The following GTF2IRD1 variants were observed in gnomAD, a reference collection of about 807,000 sequenced individuals.
GTF2IRD1 encodes the protein GTF2I repeat domain containing 1.
In GTF2IRD1, 26 loss-of-function variants were observed where a neutral mutation model predicts 113.2. That is an observed-to-expected ratio of 0.23 (90% CI 0.17 to 0.32). The LOEUF is 0.32. Ranked by LOEUF, GTF2IRD1 falls within the 10% of genes least tolerant of loss-of-function variation. The pLI, the probability that GTF2IRD1 is intolerant of heterozygous loss-of-function variation, is 1.00. For missense variants in GTF2IRD1, 864 were observed against 1,280.8 expected (o/e 0.67, Z 4.97); for synonymous variants, 484 against 529.1 (o/e 0.91, Z 1.17).
Position 74,597,647 on chromosome 7 carries a change from G to A in GTF2IRD1, c.2629+2596G>A, listed in dbSNP as rs1471433792. Among the ~76,000 whole-genome samples the A allele has an allele frequency of 3.3e-5, 5 of 151,928 alleles. No individual in the cohort carries two copies. The South Asian group carries it at 8.3e-4, about 25-fold the overall frequency. On this transcript the variant is annotated intron_variant, in intron 25 of 26. Coordinates refer to ENST00000424337, the MANE Select transcript of GTF2IRD1 (RefSeq NM_005685.4). The stretch of plus-strand genomic sequence containing the variant: ...CAGGCGTGAGCTACTGTGCCTGGCC[G>A]AGACCCCGTCTCCTAAGAAATAAAA...
At chr7:74,532,608 G>A (rs1798029326) in intron 9 of GTF2IRD1, among the ~76,000 whole-genome samples, 1 of 152,104 alleles carries the variant, frequency 6.6e-6, no homozygotes, top group Admixed American at 6.6e-5. Context: ...TCACTGGGTG[G>A]GGCTGAGGAA....
intron 17 of GTF2IRD1, among the ~76,000 whole-genome samples, chr7:74,550,249 T>C (rs1236672326): frequency 6.9e-6 from 1 of 145,814 alleles, no homozygotes; most frequent in African/African-American, 2.5e-5. Context: ...AAACTCATGA[T>C]AGACATATAG....
chr7:74,556,264 A>AAG (rs587693569), intron 19 of GTF2IRD1, among the ~76,000 whole-genome samples: 7,333 of 149,568 alleles, frequency 0.049, 264 homozygotes, highest in Middle Eastern at 0.09. Context: ...AAAAAAAAGA[A>AAG]AGAGAGAGAG....
chr7:74,487,440 G>A (rs1213696328), intron 1 of GTF2IRD1: 2 of 152,120 alleles, frequency 1.3e-5, no homozygotes, highest in Non-Finnish European at 2.9e-5. Context: ...TGTAACACCT[G>A]TTTTTTGCAG....
At chr7:74,574,804 C>T (rs1224248610) in intron 22 of GTF2IRD1, among the ~76,000 whole-genome samples, 2 of 149,184 alleles carry the variant, frequency 1.3e-5, no homozygotes, top group Non-Finnish European at 3.0e-5. Context: ...AAAAAAAAAA[C>T]CCGGCTGAGT....
intron 22 of GTF2IRD1, among the ~76,000 whole-genome samples, chr7:74,573,732 G>T (rs1292436074): frequency 6.6e-6 from 1 of 152,156 alleles, no homozygotes; most frequent in Non-Finnish European, 1.5e-5. Context: ...CCAGCCTTGT[G>T]GGGAGGGGTG....
At chr7:74,576,561 A>T (rs1475321418) in intron 22 of GTF2IRD1, among the ~76,000 whole-genome samples, 1 of 149,544 alleles carries the variant, frequency 6.7e-6, no homozygotes, top group African/African-American at 2.5e-5. Context: ...AAAAAAAAAA[A>T]GATGTCAGCA....
At chr7:74,496,386 GAT>G (rs1554337928) in intron 1 of GTF2IRD1, among the ~76,000 whole-genome samples, 4 of 148,624 alleles carry the variant, frequency 2.7e-5, no homozygotes, top group African/African-American at 1.0e-4. Context: ...ATATGTGTGT[GAT>G]ATATGTGGGT....
chr7:74,526,060 A>ACCTGC lies in GTF2IRD1; in HGVS notation c.1090+1909_1090+1913dup, dbSNP rs1438335119. 6.9e-4 allele frequency among the ~76,000 whole-genome samples: 105 copies of ACCTGC among 152,110 alleles called. 1 individual carries two copies. On this transcript the variant is annotated intron_variant, in intron 8 of 26. Transcript: ENST00000424337. The stretch of plus-strand genomic sequence containing the variant: ...CTCAGAGCTGCAAAGGGCTGTCTGC[A>ACCTGC]CCTGCCCCTGAGTCTCTCCCCGCCC...
chr7:74,590,174 G>A (rs1801972885), intron 23 of GTF2IRD1, among the ~76,000 whole-genome samples: 2 of 151,872 alleles, frequency 1.3e-5, no homozygotes, highest in Admixed American at 6.6e-5. Flanking sequence ...TTCACCTCCT[G>A]GGCTTAGGTG....
At chr7:74,492,096 T>C (rs550611169) in intron 1 of GTF2IRD1, among the ~76,000 whole-genome samples, 26 of 152,154 alleles carry the variant, frequency 1.7e-4, no homozygotes, top group African/African-American at 6.0e-4. Flanking sequence ...CTCTACTTCC[T>C]GGGTTCAAGC....
chr7:74,538,499 C>T (rs1798434782), intron 12 of GTF2IRD1, among the ~76,000 whole-genome samples, 181 bp from the exon 13 acceptor site: 2 of 152,184 alleles, frequency 1.3e-5, no homozygotes, highest in South Asian at 4.1e-4. Context: ...AGCCCCTAAG[C>T]CTGGCCTGAG....
chr7:74,597,294 G>A (rs1217290994), intron 25 of GTF2IRD1, among the ~76,000 whole-genome samples: 4 of 150,408 alleles, frequency 2.7e-5, no homozygotes, highest in Admixed American at 6.7e-5. Flanking sequence ...TACCTGCCTC[G>A]GCCCCCCAAA....
intron 14 of GTF2IRD1, among the ~76,000 whole-genome samples, chr7:74,544,451 G>T (rs193137640): frequency 6.6e-6 from 1 of 152,214 alleles, no homozygotes; most frequent in African/African-American, 2.4e-5. Flanking sequence ...CTCCCAAAGT[G>T]CTGGGATTAC....
chr7:74,499,465 A>AGAAG (rs1398336348), intron 1 of GTF2IRD1, among the ~76,000 whole-genome samples: 5 of 152,100 alleles, frequency 3.3e-5, no homozygotes, highest in East Asian at 3.9e-4. Flanking sequence ...AAGGAAGGAA[A>AGAAG]GAAGGAAGGA....
intron 1 of GTF2IRD1, among the ~76,000 whole-genome samples, chr7:74,461,252 G>A (rs1562766080): frequency 2.0e-5 from 3 of 152,278 alleles, no homozygotes; most frequent in South Asian, 2.1e-4. Flanking sequence ...GAGGCTGCAT[G>A]GTTGGGGAGG....
Position 74,589,952 on chromosome 7 carries a change from G to C in GTF2IRD1, c.2398+24G>C, listed in dbSNP as rs1554368948. 4.0e-6 allele frequency: 6 copies of C among 1,501,612 alleles called. No individual in the cohort carries two copies. The Admixed American group carries it at 8.4e-5, about 21-fold the overall frequency. 93.0% of individuals were successfully genotyped at this position (1,501,612 alleles called of 1,614,324 possible). On this transcript the variant is annotated intron_variant, in intron 23 of 26. Transcript: ENST00000424337. Reference sequence around the variant, plus strand: ...CGGTCAGTGCCTGTGGTCAGGGTCAGCACACCAAGCCCTCCTCCCGGGGGT... The same window carrying C: ...CGGTCAGTGCCTGTGGTCAGGGTCACCACACCAAGCCCTCCTCCCGGGGGT...
At chr7:74,457,877 G>GTTTTTT (rs1219714627) in intron 1 of GTF2IRD1, among the ~76,000 whole-genome samples, 12 of 122,776 alleles carry the variant, frequency 9.8e-5, no homozygotes, top group East Asian at 4.6e-4. Context: ...TTACGTTTTT[G>GTTTTTT]TTTTTTTTTT....
intron 4 of GTF2IRD1, among the ~76,000 whole-genome samples, chr7:74,517,521 G>C (rs1554344919): frequency 7.1e-6 from 1 of 141,130 alleles, no homozygotes; most frequent in Non-Finnish European, 1.5e-5. Flanking sequence ...CCGGGTTCAA[G>C]CGATTCTCCT....
Sources: gnomAD v4.1 joint callset for allele counts (sites outside exome capture counted in the v4.1 genomes callset) on GRCh38, gnomAD v4.1.1 for gene constraint, MANE v1.5 for transcripts, NCBI Gene and HGNC (gene_info 2026-07-23, HGNC 2026-07-21) for gene names.